ATXN1: variants seen among roughly 807,000 people sequenced by gnomAD.
ATXN1 encodes the protein ataxin 1, also known as ataxin-1.
A neutral mutation model predicts 56.4 loss-of-function variants in ATXN1; 8 were observed. The observed-to-expected ratio is 0.14, with a 90% CI of 0.08 to 0.26. The LOEUF (loss-of-function observed/expected upper bound fraction) is 0.26, where lower values mean the gene tolerates loss of function less well. Ranked by LOEUF, ATXN1 falls within the 10% of genes least tolerant of loss-of-function variation. The probability of loss-of-function intolerance (pLI) is 1.00; values close to 1 mark genes in which losing one functional copy is unlikely to be tolerated. For missense variants in ATXN1, 987 were observed against 1,106.5 expected, an observed-to-expected ratio of 0.89 and a Z score of 1.53; for synonymous variants, 514 against 494.6, an observed-to-expected ratio of 1.04 and a Z score of -0.52.
intron 5 of ATXN1, among the ~76,000 whole-genome samples, chr6:16,493,640 C>A (rs920754887): frequency 6.6e-6 from 1 of 152,014 alleles, no homozygotes; most frequent in African/African-American, 2.4e-5. Context: ...ACGGGGCTTT[C>A]GCAAATGATA....
At chr6:16,517,893 G>A (rs1174836629) in intron 5 of ATXN1, among the ~76,000 whole-genome samples, 1 of 152,208 alleles carries the variant, frequency 6.6e-6, no homozygotes. Flanking sequence ...GGGCACCAGG[G>A]ATGTCCAGGT....
At chr6:16,501,775 G>A (rs1189962558) in intron 5 of ATXN1, among the ~76,000 whole-genome samples, 1 of 152,054 alleles carries the variant, frequency 6.6e-6, no homozygotes, top group Middle Eastern at 3.2e-3. Context: ...TACTGCTGCA[G>A]TAAACATATG....
intron 6 of ATXN1, among the ~76,000 whole-genome samples, chr6:16,356,666 C>T (rs1044304721): frequency 3.3e-5 from 5 of 152,156 alleles, no homozygotes; most frequent in Admixed American, 1.3e-4. Flanking sequence ...CCAGGAAAGC[C>T]GTTTGAAATT....
At chr6:16,335,897 C>T (rs1437135360) in intron 6 of ATXN1, among the ~76,000 whole-genome samples, 1 of 152,210 alleles carries the variant, frequency 6.6e-6, no homozygotes, top group Non-Finnish European at 1.5e-5. Flanking sequence ...GAAAGATTAT[C>T]CCCTAGAGCC....
chr6:16,730,048 T>G (rs781158421), intron 2 of ATXN1, among the ~76,000 whole-genome samples: 2 of 152,226 alleles, frequency 1.3e-5, no homozygotes, highest in Non-Finnish European at 2.9e-5. Flanking sequence ...TTTGGGAGGC[T>G]GAGGCAGGCA....
intron 2 of ATXN1, among the ~76,000 whole-genome samples, chr6:16,701,447 C>G (rs933062543): frequency 2.0e-5 from 3 of 152,184 alleles, no homozygotes; most frequent in Non-Finnish European, 4.4e-5. Flanking sequence ...CCCTCTCTCA[C>G]CACTCCTATT....
chr6:16,652,662 C>T (rs1758088913), intron 3 of ATXN1, among the ~76,000 whole-genome samples: 1 of 152,222 alleles, frequency 6.6e-6, no homozygotes, highest in Non-Finnish European at 1.5e-5. Context: ...AGCTGACAAC[C>T]TGGCTCTTGC....
In ATXN1 at chr6:16,629,462, G is replaced by C. The variant is rs568585847; in HGVS notation, c.-489+28314C>G. Among the ~76,000 whole-genome samples, 10 of 152,004 alleles carry C rather than the reference G, an allele frequency of 6.6e-5. 1 individual carries two copies. In the South Asian group the frequency reaches 1.7e-3, roughly 25 times the overall value. On this transcript the variant is annotated intron_variant, in intron 3 of 7. Transcript: ENST00000436367. ...CCTGCCTCAGCCTCCCGCGTAGCTG[G>C]GATTACAGGCACTCGCCACCAGCCC...
At chr6:16,697,532 G>A (rs1316433303) in intron 2 of ATXN1, among the ~76,000 whole-genome samples, 3 of 151,924 alleles carry the variant, frequency 2.0e-5, no homozygotes, top group Non-Finnish European at 4.4e-5. Flanking sequence ...AAGAGCTAAG[G>A]CTAACTTTTT....
chr6:16,337,333 G>A (rs1432746691), intron 6 of ATXN1, among the ~76,000 whole-genome samples: 3 of 152,214 alleles, frequency 2.0e-5, no homozygotes, highest in Admixed American at 1.3e-4. Context: ...GTCCCCCTGC[G>A]TGGCTCATGG....
At position 16,398,089 on chromosome 6, in the gene ATXN1, CTTTT is replaced by C. The variant is rs201463733; in HGVS notation, c.-160-69623_-160-69620del. On this transcript the variant is annotated intron_variant, in intron 6 of 7. Transcript: ENST00000436367. ...ATGCCAATCTGTCATGAAAATGGGA[CTTTT>C]TTTTCAAAAGGTCAACATCTGGGCT... Among the ~76,000 whole-genome samples the C allele has an allele frequency of 3.3e-5, 5 of 152,104 alleles. No homozygotes were observed. The East Asian group carries it at 9.7e-4, about 29-fold the overall frequency.
chr6:16,579,944 T>G (rs1762498448), intron 4 of ATXN1, among the ~76,000 whole-genome samples: 1 of 152,086 alleles, frequency 6.6e-6, no homozygotes, highest in African/African-American at 2.4e-5. Flanking sequence ...CTTCCCAAAT[T>G]TTACTAAAAC....
At chr6:16,516,829 T>G (rs1350986250) in intron 5 of ATXN1, among the ~76,000 whole-genome samples, 2 of 152,224 alleles carry the variant, frequency 1.3e-5, no homozygotes, top group Non-Finnish European at 2.9e-5. Flanking sequence ...TCCTTGCCAC[T>G]TAATGAGACA....
chr6:16,637,390 A>C (rs943638482), intron 3 of ATXN1, among the ~76,000 whole-genome samples: 1 of 152,022 alleles, frequency 6.6e-6, no homozygotes, highest in Non-Finnish European at 1.5e-5. Context: ...AGATATACCT[A>C]ATGTAAATGA....
intron 4 of ATXN1, among the ~76,000 whole-genome samples, chr6:16,530,727 C>A (rs1178349921): frequency 6.6e-6 from 1 of 152,050 alleles, no homozygotes. Flanking sequence ...TATAACGAAC[C>A]TGCACACGTA....
At chr6:16,359,704 C>T (rs1761767773) in intron 6 of ATXN1, among the ~76,000 whole-genome samples, 1 of 152,190 alleles carries the variant, frequency 6.6e-6, no homozygotes, top group Non-Finnish European at 1.5e-5. Flanking sequence ...TAAAACTCTT[C>T]TTTTTCACCC....
intron 5 of ATXN1, among the ~76,000 whole-genome samples, chr6:16,499,098 C>CTCCA (rs1760830491): frequency 6.6e-6 from 1 of 152,118 alleles, no homozygotes; most frequent in African/African-American, 2.4e-5. Flanking sequence ...TGAAGATTTA[C>CTCCA]TCCTGTTTTC....
chr6:16,435,238 G>C (rs1759365272), intron 6 of ATXN1, among the ~76,000 whole-genome samples: 1 of 152,152 alleles, frequency 6.6e-6, no homozygotes, highest in Non-Finnish European at 1.5e-5. Context: ...AGGAGGTGCA[G>C]AGTAGGTAGC....
chr6:16,701,508 T>G (rs2092823904), intron 2 of ATXN1, among the ~76,000 whole-genome samples: 1 of 152,146 alleles, frequency 6.6e-6, no homozygotes, highest in Non-Finnish European at 1.5e-5. Context: ...GAGAAGGAAA[T>G]AAAGAGTATT....
Sources: allele counts gnomAD v4.1 joint callset (sites outside exome capture counted in the v4.1 genomes callset), GRCh38; gene constraint gnomAD v4.1.1; transcripts MANE v1.5; gene names NCBI Gene and HGNC (gene_info 2026-07-23, HGNC 2026-07-21).